Variants in HBS1L observed in about 807,000 individuals in gnomAD.
The protein encoded by HBS1L is HBS1-like protein.
Under a neutral mutation model 88.9 loss-of-function variants are expected in HBS1L, and 55 were observed. The ratio of observed to expected loss-of-function variants is 0.62; its 90% CI spans 0.50 to 0.77. The LOEUF is 0.77. HBS1L is among the 30% of genes least tolerant of loss of function. The pLI is 0.00. For missense variants in HBS1L, 741 were observed against 829.3 expected (o/e 0.89, Z 1.31); for synonymous variants, 267 against 288.5 (o/e 0.93, Z 0.76).
intron 15 of HBS1L, 26 bp downstream of exon 15, chr6:134,978,653 G>A (rs754989690): frequency 3.2e-6 from 4 of 1,238,060 alleles, no homozygotes; most frequent in Admixed American, 2.0e-5. Flanking sequence ...ATAAAAACAG[G>A]AATAATAAAA....
At chr6:134,981,737 A>G (rs1045863610) in intron 13 of HBS1L, among the ~76,000 whole-genome samples, 15 of 151,930 alleles carry the variant, frequency 9.9e-5, no homozygotes, top group African/African-American at 3.4e-4. Flanking sequence ...AGCCAGAATA[A>G]AAGAGGTATA....
intron 7 of HBS1L, among the ~76,000 whole-genome samples, chr6:134,994,595 A>C (rs1255774694): frequency 2.0e-5 from 3 of 152,076 alleles, no homozygotes; most frequent in Non-Finnish European, 4.4e-5. Context: ...CTAAACACAA[A>C]ATTCCTTTGT....
intron 2 of HBS1L, among the ~76,000 whole-genome samples, chr6:135,047,307 A>G (rs181752052): frequency 3.9e-5 from 6 of 152,368 alleles, no homozygotes; most frequent in African/African-American, 4.8e-5. Flanking sequence ...TTAACCTGCA[A>G]TATTAAGGTG....
intron 10 of HBS1L, 26 bp from the exon 11 acceptor site, chr6:134,986,209 C>G: frequency 8.9e-7 from 1 of 1,122,252 alleles, no homozygotes; most frequent in Middle Eastern, 2.0e-4. Flanking sequence ...ACTTATGAAA[C>G]TTAATACAAC....
At chr6:135,053,554 G>A (rs1458749954) in intron 1 of HBS1L, among the ~76,000 whole-genome samples, 1 of 152,144 alleles carries the variant, frequency 6.6e-6, no homozygotes, top group Non-Finnish European at 1.5e-5. Context: ...TTATTTAAAA[G>A]GGCCTCCATT....
At chr6:135,006,594 GAAGGACAGAGCCTC>G (rs1775620302) in intron 4 of HBS1L, among the ~76,000 whole-genome samples, 1 of 152,150 alleles carries the variant, frequency 6.6e-6, no homozygotes, top group African/African-American at 2.4e-5. Context: ...TGATGGAAAG[GAAGGACAGAGCCTC>G]AGGTTTAAGA....
At chr6:134,991,583 C>T (rs1336390984) in intron 8 of HBS1L, among the ~76,000 whole-genome samples, 2 of 152,190 alleles carry the variant, frequency 1.3e-5, no homozygotes, top group Middle Eastern at 3.4e-3. Flanking sequence ...AGTATCTGGT[C>T]CACATTAGGT....
In HBS1L at chr6:135,013,956, T is replaced by C. The variant is rs1428837171; in HGVS notation, c.431-11114A>G. Among the ~76,000 whole-genome samples, 5 of 152,272 alleles carry C rather than the reference T, an allele frequency of 3.3e-5. No homozygotes were observed. In the East Asian group the frequency reaches 7.7e-4, roughly 24 times the overall value. ...TACAGGAAGATATGCATAGGTTATA[T>C]GCAAATACGATGACATTTTATATCA... On this transcript the variant is annotated intron_variant, in intron 4 of 17. Transcript: ENST00000367837.
At chr6:134,996,698 A>T in intron 7 of HBS1L, 79 bp downstream of exon 7, 1 of 991,484 alleles carries the variant, frequency 1.0e-6, no homozygotes, top group Non-Finnish European at 1.4e-6. Context: ...CATATGTTTT[A>T]CAAATTCAAC....
chr6:135,051,108 C>G (rs1777069282), intron 1 of HBS1L, among the ~76,000 whole-genome samples: 1 of 152,058 alleles, frequency 6.6e-6, no homozygotes. Flanking sequence ...CACCTGTAAT[C>G]CCAGCTACTC....
intron 4 of HBS1L, among the ~76,000 whole-genome samples, chr6:135,022,264 T>G (rs1386839989): frequency 2.0e-5 from 3 of 151,182 alleles, no homozygotes; most frequent in African/African-American, 7.3e-5. Flanking sequence ...ATAATTGCCT[T>G]AGAATAAAAC....
chr6:135,046,524 G>A (rs1776919032), intron 2 of HBS1L, among the ~76,000 whole-genome samples: 2 of 152,076 alleles, frequency 1.3e-5, no homozygotes, highest in Non-Finnish European at 2.9e-5. Flanking sequence ...TCAATACTCA[G>A]TATCAATCTT....
At chr6:135,037,523 G>A (rs1309218180) in intron 4 of HBS1L, 4 of 1,550,308 alleles carry the variant, frequency 2.6e-6, no homozygotes, top group Non-Finnish European at 3.5e-6. Context: ...TCCTGTACTG[G>A]AATGTTTTGA....
intron 11 of HBS1L, 107 bp downstream of exon 11, chr6:134,985,959 C>A (rs1774967542): frequency 3.0e-6 from 2 of 657,232 alleles, no homozygotes; most frequent in Admixed American, 2.7e-5. Flanking sequence ...CCTCCGACTA[C>A]AAATCCTATG....
rs138608713 is a variant in HBS1L, at chr6:135,048,867, A to G, written c.109+1715T>C. 1.9e-3 allele frequency among the ~76,000 whole-genome samples: 289 copies of G among 152,374 alleles called. 2 individuals are homozygous for G. Among genetic ancestry groups the G allele is most frequent in the African/African-American group, 6.4e-3 (266 of 41,596 alleles). ...CTTGACCAGAAGAGCAGGCCTGTAC[A>G]TAAAGAGCTAGATGCATTTCAGAAT... On this transcript the variant is annotated intron_variant, in intron 2 of 17. Transcript: ENST00000367837.
chr6:135,052,445 G>A (rs948481508), intron 1 of HBS1L, among the ~76,000 whole-genome samples: 1 of 152,022 alleles, frequency 6.6e-6, no homozygotes, highest in Non-Finnish European at 1.5e-5. Context: ...GGGGGCACAT[G>A]CCTGTAGACC....
chr6:135,052,726 A>C (rs139141891), intron 1 of HBS1L, among the ~76,000 whole-genome samples: 92 of 152,360 alleles, frequency 6.0e-4, no homozygotes, highest in African/African-American at 2.1e-3. Context: ...AATCAACAAA[A>C]TTATGAAATA....
In HBS1L at chr6:134,963,501, G is replaced by A. The variant is rs908323778; in HGVS notation, c.*1778C>T. 2.0e-5 allele frequency: 3 copies of A among 152,240 alleles called. No individual in the cohort carries two copies. Among genetic ancestry groups the A allele is most frequent in the African/African-American group, 7.2e-5 (3 of 41,386 alleles). 9.4% of individuals were successfully genotyped at this position (152,240 alleles called of 1,614,324 possible). Reference sequence around the variant, plus strand: ...TGTGATCATGGCTCACTGCAGCCTCGACCTCCTGGGCTCAAGTGATCTTCC... The same window carrying A: ...TGTGATCATGGCTCACTGCAGCCTCAACCTCCTGGGCTCAAGTGATCTTCC... On this transcript the variant is annotated 3_prime_UTR_variant, in exon 18 of 18. Transcript: ENST00000367837.
chr6:135,020,130 A>G (rs1005058581), intron 4 of HBS1L, among the ~76,000 whole-genome samples: 2 of 148,470 alleles, frequency 1.3e-5, no homozygotes, highest in Non-Finnish European at 3.0e-5. Context: ...GGCCTATATA[A>G]AAACATTATG....
Sources: allele counts gnomAD v4.1 joint callset (sites outside exome capture counted in the v4.1 genomes callset), GRCh38; gene constraint gnomAD v4.1.1; transcripts MANE v1.5; gene names NCBI Gene and HGNC (gene_info 2026-07-23, HGNC 2026-07-21).